The following RBPMS2 variants were observed in gnomAD, a reference collection of about 807,000 sequenced individuals.
The protein encoded by RBPMS2 is RNA binding protein, mRNA processing factor 2.
Under a neutral mutation model 25.7 loss-of-function variants are expected in RBPMS2, and 14 were observed. The ratio of observed to expected loss-of-function variants is 0.55; its 90% confidence interval spans 0.36 to 0.85. The LOEUF (loss-of-function observed/expected upper bound fraction) is 0.85. RBPMS2 is among the 40% of genes least tolerant of loss of function. RBPMS2 has a pLI of 0.01. For missense variants in RBPMS2, 252 were observed against 283.4 expected (o/e 0.89, Z 0.80); for synonymous variants, 127 against 115.6 (o/e 1.10, Z -0.63).
At chr15:64,774,681 CTG>C (rs2083915303) in intron 1 of RBPMS2, among the ~76,000 whole-genome samples, 1 of 151,860 alleles carries the variant, frequency 6.6e-6, no homozygotes, top group Non-Finnish European at 1.5e-5. Flanking sequence ...GGTTCTGGGG[CTG>C]TGAAGAAAGC....
In RBPMS2 at chr15:64,741,215, T is replaced by G; in HGVS notation, c.595A>C (p.Thr199Pro). The change falls in exon 7 of 8, where the codon ACC (threonine) becomes CCC (proline). Residue 199 changes from threonine (T) to proline (P), a missense_variant. By Grantham distance (38) the Thr-to-Pro change is conservative (BLOSUM62 -1). Coordinates refer to ENST00000300069, the MANE Select transcript of RBPMS2 (RefSeq NM_194272.3). ...QVRWYPSSDT[T>P]QQGWKYRQFC Reference sequence around the variant, plus strand: ...TGACGGTACTTCCATCCTTGCTGGGTGGTGTCAGAGGAAGGGTACCAGCGC... The same window carrying G: ...TGACGGTACTTCCATCCTTGCTGGGGGGTGTCAGAGGAAGGGTACCAGCGC... 6.3e-7 allele frequency: 1 copy of G among 1,592,346 alleles called. No individual in the cohort carries two copies. Among genetic ancestry groups the G allele is most frequent in the Non-Finnish European group, 8.6e-7 (1 of 1,169,372 alleles).
At chr15:64,760,968 C>T (rs1031374618) in intron 1 of RBPMS2, among the ~76,000 whole-genome samples, 1 of 150,192 alleles carries the variant, frequency 6.7e-6, no homozygotes, top group African/African-American at 2.5e-5. Context: ...TCCTGTCTCA[C>T]AGGATTGGGA....
chr15:64,759,953 G>A (rs1440657809), intron 1 of RBPMS2, among the ~76,000 whole-genome samples: 2 of 152,210 alleles, frequency 1.3e-5, no homozygotes, highest in Non-Finnish European at 2.9e-5. Context: ...GATTACAGGC[G>A]TGAGCCACCG....
intron 1 of RBPMS2, among the ~76,000 whole-genome samples, chr15:64,762,845 T>A (rs1387680957): frequency 6.6e-6 from 1 of 152,134 alleles, no homozygotes; most frequent in African/African-American, 2.4e-5. Flanking sequence ...AGAGCTTCAG[T>A]GACTCCTTCT....
rs75493375 is a variant in RBPMS2 at position 64,746,943 on chromosome 15, G to A, written c.567+1476C>T. ...GGGCCTTGCAGTTAAACATCCGCTT[G>A]ACCTGAAGCATCAAGTCACTGCCCA... On this transcript the variant is annotated intron_variant, in intron 6 of 7. Transcript: ENST00000300069. Among the ~76,000 whole-genome samples, 79 of 152,292 alleles carry A rather than the reference G, an allele frequency of 5.2e-4. 1 individual carries two copies. In the East Asian group the frequency reaches 0.014, roughly 26 times the overall value.
intron 1 of RBPMS2, among the ~76,000 whole-genome samples, chr15:64,771,186 C>T (rs536738899): frequency 1.3e-5 from 2 of 152,390 alleles, no homozygotes; most frequent in African/African-American, 4.8e-5. Flanking sequence ...AATCTCCAAA[C>T]TCTTCAAGTT....
chr15:64,756,379 G>A lies in RBPMS2; in HGVS notation c.88-4741C>T, dbSNP rs147024813. Among the ~76,000 whole-genome samples the A allele has an allele frequency of 9.2e-5, 14 of 152,178 alleles. No homozygotes were observed. The South Asian group carries it at 1.0e-3, about 11-fold the overall frequency. ...AAAGATACAAAGTTAGCTGGGTGTG[G>A]TGGCGCACACCTGTAGTCCCAGCTA... On this transcript the variant is annotated intron_variant, in intron 1 of 7. Transcript: ENST00000300069.
At position 64,775,290 on chromosome 15, in the gene RBPMS2, G is replaced by A; in HGVS notation, c.30C>T (p.His10=). Residue 10 remains histidine (H), a synonymous_variant, in exon 1 of 8, where the codon CAC becomes CAT. Transcript: ENST00000300069. The part of the protein sequence containing the change: MSNLKPDGE[H]GGSTGTGSGA... The stretch of plus-strand genomic sequence containing the variant: ...CGGAGCCGGTGCCGGTGCTGCCGCC[G>A]TGCTCGCCGTCCGGCTTCAGGTTGC... 1 of 1,353,672 alleles carries A rather than the reference G, an allele frequency of 7.4e-7. No homozygotes were observed. The highest frequency in any genetic ancestry group is 9.6e-7 in the Non-Finnish European group (1 of 1,045,980). The allele number at this position is 1,353,672 out of a possible 1,614,324, so 83.9% of individuals were successfully genotyped here.
chr15:64,745,970 TC>T (rs1274708927), intron 6 of RBPMS2, among the ~76,000 whole-genome samples: 1 of 152,176 alleles, frequency 6.6e-6, no homozygotes, highest in Non-Finnish European at 1.5e-5. Flanking sequence ...ACTCAGTCCT[TC>T]TATTGGTCTT....
chr15:64,770,093 C>A (rs2083882114), intron 1 of RBPMS2, among the ~76,000 whole-genome samples: 1 of 151,934 alleles, frequency 6.6e-6, no homozygotes, highest in Non-Finnish European at 1.5e-5. Flanking sequence ...GCAGGATAAT[C>A]GCTTGAACCT....
chr15:64,741,553 G>A (rs764135791), intron 6 of RBPMS2, among the ~76,000 whole-genome samples: 1 of 152,238 alleles, frequency 6.6e-6, no homozygotes, highest in Non-Finnish European at 1.5e-5. Context: ...GGGGGCAGTG[G>A]TGCCAGCAAC....
At chr15:64,745,442 A>G (rs1429602589) in intron 6 of RBPMS2, among the ~76,000 whole-genome samples, 1 of 152,186 alleles carries the variant, frequency 6.6e-6, no homozygotes, top group East Asian at 1.9e-4. Flanking sequence ...CATCTCCATG[A>G]TACAGATAAG....
chr15:64,743,358 T>C lies in RBPMS2; in HGVS notation c.568-2116A>G, dbSNP rs962555697. Among the ~76,000 whole-genome samples, 7 of 152,236 alleles carry C rather than the reference T, an allele frequency of 4.6e-5. 1 individual carries two copies. The highest frequency in any genetic ancestry group is 1.7e-4 in the African/African-American group (7 of 41,474). Reference sequence around the variant, plus strand: ...GGATTCCTGCTTCCCAAGCAGCGACTTTCCCTCCAGCCTGAGGGACTCCTT... The same window carrying C: ...GGATTCCTGCTTCCCAAGCAGCGACCTTCCCTCCAGCCTGAGGGACTCCTT... On this transcript the variant is annotated intron_variant, in intron 6 of 7. Coordinates refer to ENST00000300069, the MANE Select transcript of RBPMS2 (RefSeq NM_194272.3).
intron 1 of RBPMS2, among the ~76,000 whole-genome samples, chr15:64,774,154 A>G (rs1315510319): frequency 1.3e-5 from 2 of 152,172 alleles, no homozygotes; most frequent in African/African-American, 4.8e-5. Flanking sequence ...AGGAGGCAAC[A>G]CCAGTCCACA....
chr15:64,750,737 T>C, intron 2 of RBPMS2, among the ~76,000 whole-genome samples: 1 of 152,194 alleles, frequency 6.6e-6, no homozygotes, highest in Non-Finnish European at 1.5e-5. Flanking sequence ...TAACCACATA[T>C]ATTTAAAGAT....
chr15:64,744,357 G>A (rs951512026), intron 6 of RBPMS2, among the ~76,000 whole-genome samples: 3 of 151,898 alleles, frequency 2.0e-5, no homozygotes, highest in Non-Finnish European at 2.9e-5. Context: ...TCGAGAGTTC[G>A]AGACCAGCCT....
chr15:64,762,614 GA>G, intron 1 of RBPMS2: 1 of 465,316 alleles, frequency 2.1e-6, no homozygotes, highest in South Asian at 1.6e-5. Flanking sequence ...AAAAGACAAA[GA>G]ACCTCAAAAC....
chr15:64,741,462 G>T (rs916088572), intron 6 of RBPMS2, among the ~76,000 whole-genome samples: 1 of 152,192 alleles, frequency 6.6e-6, no homozygotes, highest in Non-Finnish European at 1.5e-5. Context: ...AGGTTCCAGC[G>T]AAGGAAAGTC....
At chr15:64,747,739 C>T (rs942501773) in intron 6 of RBPMS2, among the ~76,000 whole-genome samples, 1 of 152,184 alleles carries the variant, frequency 6.6e-6, no homozygotes, top group African/African-American at 2.4e-5. Context: ...CCTGCCTGCC[C>T]ATTGGGCACC....
Sources: allele counts gnomAD v4.1 joint callset (sites outside exome capture counted in the v4.1 genomes callset), GRCh38; gene constraint gnomAD v4.1.1; transcripts MANE v1.5; gene names NCBI Gene and HGNC (gene_info 2026-07-23, HGNC 2026-07-21).